Variants in BSN observed in about 807,000 individuals in gnomAD.
BSN encodes the protein protein bassoon.
In BSN, 57 loss-of-function variants were observed where a neutral mutation model predicts 264.8. That is an observed-to-expected ratio of 0.22 (90% CI 0.17 to 0.27). BSN has a LOEUF of 0.27. Among genes scored for constraint, BSN ranks in the 10% least tolerant of loss-of-function variants. BSN has a pLI of 1.00. For missense variants in BSN, 4,615 were observed against 5,232.5 expected (o/e 0.88, Z 3.64); for synonymous variants, 2,059 against 2,137.3 (o/e 0.96, Z 1.01).
downstream of BSN, among the ~76,000 whole-genome samples, chr3:49,672,287 C>T (rs1229419675): frequency 3.9e-5 from 6 of 152,082 alleles, no homozygotes; most frequent in Admixed American, 3.9e-4. Context: ...CATAGCCAGT[C>T]TACCACACAC....
chr3:49,602,003 T>C (rs940078717), intron 1 of BSN, among the ~76,000 whole-genome samples: 1 of 152,192 alleles, frequency 6.6e-6, no homozygotes, highest in Non-Finnish European at 1.5e-5. Context: ...AGCCTTGCCC[T>C]AGTAGAGATG....
intron 5 of BSN, among the ~76,000 whole-genome samples, chr3:49,659,496 G>A (rs2052636321): frequency 6.6e-6 from 1 of 152,162 alleles, no homozygotes; most frequent in South Asian, 2.1e-4. Flanking sequence ...AGGTTTTTAG[G>A]TAGTTACTTG....
chr3:49,560,281 C>A (rs774185794), intron 1 of BSN, among the ~76,000 whole-genome samples: 3 of 152,190 alleles, frequency 2.0e-5, no homozygotes, highest in African/African-American at 4.8e-5. Flanking sequence ...TGAGGGGAAC[C>A]TGTTGCTGGA....
rs1244819443 is a variant in BSN at position 49,660,328 on chromosome 3, G to C, written c.8641-158G>C. 6.6e-6 allele frequency among the ~76,000 whole-genome samples: 1 copy of C among 152,190 alleles called. No individual in the cohort carries two copies. The highest frequency in any genetic ancestry group is 2.4e-5 in the African/African-American group (1 of 41,440). The stretch of plus-strand genomic sequence containing the variant: ...ATGGCAAAGAAACCAAGGCCTATGG[G>C]TGGGCAGGGTAGGCCTCCAGGCTGC... On this transcript the variant is annotated intron_variant, in intron 5 of 11. Transcript: ENST00000296452. This position sits in a 1 kb window ranked among gnomAD's most constrained non-coding sequence, Gnocchi z 7.1.
Position 49,585,953 on chromosome 3 carries a change from A to G in BSN, c.224+31127A>G, listed in dbSNP as rs1050455328. On this transcript the variant is annotated intron_variant, in intron 1 of 11. Coordinates refer to ENST00000296452, the MANE Select transcript of BSN (RefSeq NM_003458.4). This position sits in a 1 kb window ranked among gnomAD's most constrained non-coding sequence, Gnocchi z 4.7. ...TGTTCATTTTTGATCGGATTATTAG[A>G]TTTTTTTCTATATAGTTGTTTGAGC... Among the ~76,000 whole-genome samples the G allele has an allele frequency of 2.6e-5, 4 of 151,828 alleles. No homozygotes were observed. Among genetic ancestry groups the G allele is most frequent in the Admixed American group, 2.6e-4 (4 of 15,226 alleles).
chr3:49,571,653 T>G (rs1442848198), intron 1 of BSN, among the ~76,000 whole-genome samples: 2 of 152,104 alleles, frequency 1.3e-5, no homozygotes, highest in African/African-American at 4.8e-5. Context: ...TAGTAGGGAA[T>G]GAGGACAGAG....
At chr3:49,565,555 C>T (rs921758525) in intron 1 of BSN, among the ~76,000 whole-genome samples, 1 of 152,026 alleles carries the variant, frequency 6.6e-6, no homozygotes, top group East Asian at 1.9e-4. Context: ...CTCCTGACCT[C>T]GTGATCCACC....
intron 1 of BSN, among the ~76,000 whole-genome samples, chr3:49,581,593 A>C (rs1374807287): frequency 6.6e-6 from 1 of 152,146 alleles, no homozygotes; most frequent in East Asian, 1.9e-4. Context: ...GGGGAAGCCG[A>C]GGTGGGCGGA....
rs147987175 is a variant in BSN, at chr3:49,654,656, G to C, written c.5100G>C (p.Leu1700=). The C allele has an allele frequency of 6.2e-7, 1 of 1,613,876 alleles. No homozygotes were observed. The highest frequency in any genetic ancestry group is 8.5e-7 in the Non-Finnish European group (1 of 1,180,024). The stretch of plus-strand genomic sequence containing the variant: ...AAGCGAGGAAGTATGGTCTTGCCCT[G>C]GATCCAATCCCAGGACGGCAGTCGA... ...AVEARKYGLA[L]DPIPGRQSTA... Residue 1700 remains leucine, a synonymous_variant, in exon 5 of 12, where the codon CTG becomes CTC. Transcript: ENST00000296452. This position sits in a 1 kb window ranked among gnomAD's most constrained non-coding sequence, Gnocchi z 4.1.
intron 1 of BSN, among the ~76,000 whole-genome samples, chr3:49,588,969 C>G (rs1478754904): frequency 6.7e-6 from 1 of 149,978 alleles, no homozygotes; most frequent in South Asian, 2.1e-4. Flanking sequence ...GGCTGGAGTG[C>G]AGTGGCGCGA....
Position 49,655,958 on chromosome 3 carries a change from G to A in BSN, c.6402G>A (p.Gly2134=). 6 of 1,610,178 alleles carry A rather than the reference G, an allele frequency of 3.7e-6. No homozygotes were observed. The highest frequency in any genetic ancestry group is 4.2e-6 in the Non-Finnish European group (5 of 1,179,664). The stretch of plus-strand genomic sequence containing the variant: ...AGTACCAGCCCCAGCACGGGCCCGG[G>A]CTCAGTGCTCCACAGAGTCTGGTTC... ...LVQYQPQHGP[G]LSAPQSLVPL... The change falls in exon 5 of 12, where the codon GGG becomes GGA. Residue 2134 remains glycine, a synonymous_variant. Coordinates refer to ENST00000296452, the MANE Select transcript of BSN (RefSeq NM_003458.4).
chr3:49,577,154 A>G (rs1037626497), intron 1 of BSN, among the ~76,000 whole-genome samples: 1 of 152,164 alleles, frequency 6.6e-6, no homozygotes, highest in African/African-American at 2.4e-5. Context: ...AATGTTGGCT[A>G]CTAATTATGT....
chr3:49,570,426 CA>C (rs1265351389), intron 1 of BSN, among the ~76,000 whole-genome samples: 3 of 152,154 alleles, frequency 2.0e-5, no homozygotes, highest in Non-Finnish European at 4.4e-5. Flanking sequence ...GGAGCCCACC[CA>C]AGGGTCCATG....
At chr3:49,575,116 G>A (rs1371122761) in intron 1 of BSN, among the ~76,000 whole-genome samples, 1 of 152,086 alleles carries the variant, frequency 6.6e-6, no homozygotes, top group African/African-American at 2.4e-5. Context: ...GGATGCCAAG[G>A]CGGGCAGATC....
intron 1 of BSN, among the ~76,000 whole-genome samples, chr3:49,615,531 A>G (rs866988064): frequency 2.0e-5 from 3 of 152,154 alleles, no homozygotes; most frequent in African/African-American, 7.2e-5. Context: ...AGCTCTGCCT[A>G]TGGCATGACC....
chr3:49,564,079 G>T (rs2051735159), intron 1 of BSN, among the ~76,000 whole-genome samples: 1 of 152,158 alleles, frequency 6.6e-6, no homozygotes, highest in Admixed American at 6.5e-5. Flanking sequence ...TGGCTGTGAT[G>T]GGACTCTGAG....
At chr3:49,610,737 G>A (rs2052200213) in intron 1 of BSN, among the ~76,000 whole-genome samples, 1 of 152,126 alleles carries the variant, frequency 6.6e-6, no homozygotes, top group African/African-American at 2.4e-5. Flanking sequence ...CATTAGAAAG[G>A]TATTAAGGGG....
chr3:49,658,996 T>C (rs2052632865), intron 5 of BSN, among the ~76,000 whole-genome samples: 1 of 152,086 alleles, frequency 6.6e-6, no homozygotes, highest in Admixed American at 6.6e-5. Context: ...GTTTTAGGCA[T>C]GTGAGATGGG....
In BSN at chr3:49,575,418, A is replaced by G. The variant is rs534029866; in HGVS notation, c.224+20592A>G. On this transcript the variant is annotated intron_variant, in intron 1 of 11. Coordinates refer to ENST00000296452, the MANE Select transcript of BSN (RefSeq NM_003458.4). ...TGTGTGTATATATATGTAAATATAT[A>G]TATGTGTATATATATGTAAATATAT... is the stretch of plus-strand genomic sequence containing the variant. 8.6e-4 allele frequency among the ~76,000 whole-genome samples: 127 copies of G among 147,672 alleles called. 1 individual carries two copies. The highest frequency in any genetic ancestry group is 2.9e-3 in the African/African-American group (117 of 40,600).
Sources: gnomAD v4.1 joint callset for allele counts (sites outside exome capture counted in the v4.1 genomes callset) on GRCh38, gnomAD v4.1.1 for gene constraint, Gnocchi (gnomAD v3.1) non-coding constraint, MANE v1.5 for transcripts, NCBI Gene and HGNC (gene_info 2026-07-23, HGNC 2026-07-21) for gene names.